Variants in BABAM2 observed in about 807,000 individuals in gnomAD.
The protein encoded by BABAM2 is BRISC and BRCA1-A complex member 2.
A neutral mutation model predicts 54.7 loss-of-function variants in BABAM2; 31 were observed. The ratio of observed to expected loss-of-function variants is 0.57; its 90% CI spans 0.43 to 0.77. BABAM2 has a LOEUF of 0.77. BABAM2 is among the 30% of genes least tolerant of loss of function. BABAM2 has a pLI of 0.00. For synonymous variants in BABAM2, 167 were observed against 162.9 expected (o/e 1.03, Z -0.19); for missense variants, 364 against 455.8 (o/e 0.80, Z 1.83).
At chr2:28,166,527 A>G (rs992759025) in intron 7 of BABAM2, among the ~76,000 whole-genome samples, 3 of 152,198 alleles carry the variant, frequency 2.0e-5, no homozygotes, top group Non-Finnish European at 2.9e-5. Context: ...GGCTGCATCA[A>G]AATGAACTTT....
At chr2:28,231,645 G>A (rs1480898591) in intron 7 of BABAM2, among the ~76,000 whole-genome samples, 4 of 151,826 alleles carry the variant, frequency 2.6e-5, no homozygotes, top group African/African-American at 7.3e-5. Flanking sequence ...TGACCCAAAT[G>A]TCTCTGACAA....
chr2:28,301,611 T>A (rs1378100519), intron 11 of BABAM2, among the ~76,000 whole-genome samples: 2 of 152,136 alleles, frequency 1.3e-5, no homozygotes, highest in African/African-American at 4.8e-5. Flanking sequence ...CTCAGTGCCT[T>A]TGCTCACGCC....
chr2:28,244,759 G>T (rs1332170001), intron 9 of BABAM2, 21 bp from the exon 10 acceptor site: 2 of 1,600,306 alleles, frequency 1.2e-6, no homozygotes, highest in African/African-American at 1.3e-5. Flanking sequence ...TTGTTTGTGT[G>T]TGTATGTTTT....
intron 2 of BABAM2, among the ~76,000 whole-genome samples, chr2:27,917,766 T>A (rs991617203): frequency 2.6e-5 from 4 of 152,044 alleles, no homozygotes; most frequent in African/African-American, 9.7e-5. Context: ...AATATATTTA[T>A]AGATTATAAA....
intron 5 of BABAM2, among the ~76,000 whole-genome samples, chr2:28,029,367 C>T (rs533841000): frequency 6.6e-5 from 10 of 152,268 alleles, no homozygotes; most frequent in Admixed American, 6.5e-5. Flanking sequence ...ATTCCTCCTC[C>T]CCCCAGCGCT....
chr2:28,157,405 A>C (rs934046395), intron 7 of BABAM2, among the ~76,000 whole-genome samples: 5 of 152,214 alleles, frequency 3.3e-5, no homozygotes, highest in Non-Finnish European at 7.3e-5. Context: ...TGGCAAACTT[A>C]GTTAGCTTAT....
intron 7 of BABAM2, among the ~76,000 whole-genome samples, chr2:28,235,700 A>G (rs560360834): frequency 6.6e-6 from 1 of 151,898 alleles, no homozygotes; most frequent in East Asian, 2.0e-4. Flanking sequence ...TCTGTCGCCC[A>G]GGCTAGGGTA....
intron 6 of BABAM2, among the ~76,000 whole-genome samples, chr2:28,064,284 A>G (rs572247722): frequency 6.6e-6 from 1 of 152,222 alleles, no homozygotes; most frequent in Non-Finnish European, 1.5e-5. Context: ...TCTGCAGGCT[A>G]TCTTGTAAAA....
intron 7 of BABAM2, among the ~76,000 whole-genome samples, chr2:28,198,313 G>A (rs545435559): frequency 9.9e-5 from 15 of 152,014 alleles, no homozygotes; most frequent in Admixed American, 2.6e-4. Context: ...ACAGGTGCCC[G>A]CAAAAAATGC....
chr2:27,908,568 G>A (rs776341067), intron 2 of BABAM2, among the ~76,000 whole-genome samples: 8 of 152,212 alleles, frequency 5.3e-5, no homozygotes, highest in South Asian at 4.2e-4. Context: ...CTCTGTGCTC[G>A]GCCCCAGTAG....
chr2:28,239,895 C>T (rs1214642249), intron 8 of BABAM2, among the ~76,000 whole-genome samples: 1 of 152,178 alleles, frequency 6.6e-6, no homozygotes, highest in Non-Finnish European at 1.5e-5. Flanking sequence ...GGAGCATTCC[C>T]TTCCATTGGA....
Position 28,059,019 on chromosome 2 carries a change from T to C in BABAM2, c.570+13220T>C, listed in dbSNP as rs1479859295. On this transcript the variant is annotated intron_variant, in intron 6 of 11. Transcript: ENST00000379624. ...TCCCTTATCCTGAGATACAGCAGTC[T>C]GAGGTGTCTCTGAGGTTTTTTGGTT... Among the ~76,000 whole-genome samples the C allele has an allele frequency of 2.6e-5, 4 of 152,182 alleles. No individual in the cohort carries two copies. In the East Asian group the frequency reaches 7.7e-4, roughly 29 times the overall value.
At chr2:27,987,316 G>T (rs190310225) in intron 3 of BABAM2, among the ~76,000 whole-genome samples, 4 of 152,220 alleles carry the variant, frequency 2.6e-5, no homozygotes, top group African/African-American at 9.6e-5. Context: ...TTTCTGCAAG[G>T]CAAAGACTGT....
At chr2:28,114,468 G>A (rs570112051) in intron 6 of BABAM2, among the ~76,000 whole-genome samples, 8 of 152,168 alleles carry the variant, frequency 5.3e-5, no homozygotes, top group South Asian at 4.2e-4. Flanking sequence ...AATTAATCAC[G>A]TATTACCTTG....
At chr2:28,074,068 C>A (rs1483539286) in intron 6 of BABAM2, among the ~76,000 whole-genome samples, 1 of 151,794 alleles carries the variant, frequency 6.6e-6, no homozygotes, top group Non-Finnish European at 1.5e-5. Context: ...TTTGTAACTC[C>A]CAGGATATTC....
At chr2:28,187,662 ATTTTTT>A (rs35839748) in intron 7 of BABAM2, among the ~76,000 whole-genome samples, 1 of 99,160 alleles carries the variant, frequency 1.0e-5, no homozygotes, top group African/African-American at 3.8e-5. Flanking sequence ...GAACTTTGGA[ATTTTTT>A]TTTTTTTTTT....
At chr2:28,106,868 T>A (rs1667572897) in intron 6 of BABAM2, among the ~76,000 whole-genome samples, 1 of 152,226 alleles carries the variant, frequency 6.6e-6, no homozygotes, top group Non-Finnish European at 1.5e-5. Context: ...TCAGTTACTG[T>A]CATTATTTTG....
chr2:27,998,478 T>C (rs1673339021), intron 4 of BABAM2, among the ~76,000 whole-genome samples: 1 of 152,074 alleles, frequency 6.6e-6, no homozygotes, highest in African/African-American at 2.4e-5. Context: ...TTTCAGTTTT[T>C]TTTTTACTTT....
At chr2:28,037,096 A>G (rs1266841056) in intron 5 of BABAM2, among the ~76,000 whole-genome samples, 2 of 152,176 alleles carry the variant, frequency 1.3e-5, no homozygotes, top group Non-Finnish European at 2.9e-5. Context: ...CGAATGGATA[A>G]GGTATTCATA....
Sources: allele counts gnomAD v4.1 joint callset (sites outside exome capture counted in the v4.1 genomes callset), GRCh38; gene constraint gnomAD v4.1.1; transcripts MANE v1.5; gene names NCBI Gene and HGNC (gene_info 2026-07-23, HGNC 2026-07-21).